Variants in KIF20B observed in about 807,000 individuals in gnomAD.
KIF20B encodes kinesin family member 20B.
KIF20B carries 188 observed loss-of-function variants against 232.5 expected under a neutral mutation model. That is an observed-to-expected ratio of 0.81 (90% CI 0.72 to 0.91). The LOEUF (loss-of-function observed/expected upper bound fraction) is 0.91. Among genes scored for constraint, KIF20B ranks in the 40% least tolerant of loss-of-function variants. The probability of loss-of-function intolerance (pLI) is 0.00; values close to 1 mark genes in which losing one functional copy is unlikely to be tolerated. For synonymous variants in KIF20B, 712 were observed against 683.0 expected (o/e 1.04, Z -0.66); for missense variants, 2,154 against 2,055.9 (o/e 1.05, Z -0.92).
rs976326053 is a variant in KIF20B at position 89,719,598 on chromosome 10, G to C, written c.1614G>C (p.Glu538Asp). The C allele has an allele frequency of 6.2e-7, 1 of 1,613,354 alleles. No homozygotes were observed. Among genetic ancestry groups the C allele is most frequent in the Non-Finnish European group, 8.5e-7 (1 of 1,179,600 alleles). ...TGGAAGACGAGGATTTGGTTGAGGAGCTAGAAAACGCTGAAGAAACTCAAA... is the reference window on the plus strand; with the variant it reads ...TGGAAGACGAGGATTTGGTTGAGGACCTAGAAAACGCTGAAGAAACTCAAA... ...DLMEDEDLVE[E>D]LENAEETQNV... The change falls in exon 13 of 33, where the codon GAG (glutamate) becomes GAC (aspartate). Residue 538 changes from glutamate to aspartate, a missense_variant. By Grantham distance (45) the Glu-to-Asp change is conservative (BLOSUM62 2). Coordinates refer to ENST00000371728, the MANE Select transcript of KIF20B (RefSeq NM_001284259.2).
Position 89,737,686 on chromosome 10 carries a change from G to A in KIF20B, c.2845G>A (p.Val949Met), listed in dbSNP as rs774578114. Residue 949 changes from valine (V) to methionine (M), a missense_variant, in exon 20 of 33, where the codon GTG (valine) becomes ATG (methionine). Coordinates refer to ENST00000371728, the MANE Select transcript of KIF20B (RefSeq NM_001284259.2). ...TGATATTGCAATTGCTGAATTACATGTGCAGAAAAGTAAAAATCAAGAACA... is the reference window on the plus strand; with the variant it reads ...TGATATTGCAATTGCTGAATTACATATGCAGAAAAGTAAAAATCAAGAACA... ...NYDIAIAELH[V>M]QKSKNQEQEE... The A allele has an allele frequency of 2.4e-5, 38 of 1,613,092 alleles. No homozygotes were observed. The highest frequency in any genetic ancestry group is 3.2e-5 in the Non-Finnish European group (38 of 1,179,394).
At chr10:89,750,973 T>C (rs905757310) in intron 23 of KIF20B, among the ~76,000 whole-genome samples, 1 of 152,142 alleles carries the variant, frequency 6.6e-6, no homozygotes, top group South Asian at 2.1e-4. Context: ...ACACTGAAAA[T>C]AAGTATTTTG....
intron 23 of KIF20B, among the ~76,000 whole-genome samples, chr10:89,750,510 T>C (rs1454960698): frequency 3.3e-5 from 5 of 152,166 alleles, no homozygotes; most frequent in Non-Finnish European, 7.4e-5. Flanking sequence ...ATGTGCACTT[T>C]GAGGGAGCCA....
At position 89,713,189 on chromosome 10, in the gene KIF20B, G is replaced by A. The variant is rs189166629; in HGVS notation, c.676-858G>A. 1.4e-4 allele frequency among the ~76,000 whole-genome samples: 22 copies of A among 151,864 alleles called. No homozygotes were observed. In the East Asian group the frequency reaches 2.1e-3, roughly 15 times the overall value. On this transcript the variant is annotated intron_variant, in intron 6 of 32. Coordinates refer to ENST00000371728, the MANE Select transcript of KIF20B (RefSeq NM_001284259.2). ...AGCCTGGCCAACATGGCGAAACCCC[G>A]TCTCTATTAAAAATACAAAAAATTA...
Position 89,709,108 on chromosome 10 carries a change from T to A in KIF20B, c.148-59T>A, listed in dbSNP as rs914600335. ...AAAAAGTAGCCATGTTAAGGAAAAA[T>A]GGTCTCTGAAAAGCCGTATCTTTCA... On this transcript the variant is annotated intron_variant, in intron 2 of 32. Transcript: ENST00000371728. The A allele has an allele frequency of 2.1e-5, 25 of 1,184,762 alleles. No homozygotes were observed. In the Admixed American group the frequency reaches 3.8e-4, roughly 18 times the overall value. The allele number at this position is 1,184,762 out of a possible 1,614,324, so 73.4% of individuals were successfully genotyped here. A position where few individuals can be genotyped will look rare whatever the true frequency, so the allele number is the denominator to read the frequency against.
chr10:89,720,606 ATC>A (rs1843034356), intron 13 of KIF20B, among the ~76,000 whole-genome samples: 1 of 152,244 alleles, frequency 6.6e-6, no homozygotes, highest in East Asian at 1.9e-4. Flanking sequence ...ATGATCCCAT[ATC>A]TTCAAAAACA....
intron 20 of KIF20B, 95 bp downstream of exon 20, chr10:89,738,712 T>C: frequency 7.1e-7 from 1 of 1,406,636 alleles, no homozygotes; most frequent in Non-Finnish European, 9.3e-7. Context: ...CTTAATCTGG[T>C]AAAGCGTAGC....
chr10:89,725,286 A>G (rs1843156542), intron 15 of KIF20B, 128 bp downstream of exon 15: 1 of 842,724 alleles, frequency 1.2e-6, no homozygotes, highest in Non-Finnish European at 1.8e-6. Context: ...TAGCTTTATT[A>G]TAATTAGGCA....
chr10:89,746,019 A>C, intron 23 of KIF20B, 60 bp downstream of exon 23: 3 of 1,199,190 alleles, frequency 2.5e-6, no homozygotes, highest in Non-Finnish European at 3.7e-6. Context: ...CTCGCAGGGC[A>C]TGCGATGGGG....
At chr10:89,704,302 T>C (rs1399408615) in intron 1 of KIF20B, among the ~76,000 whole-genome samples, 2 of 152,160 alleles carry the variant, frequency 1.3e-5, no homozygotes, top group Non-Finnish European at 2.9e-5. Context: ...CCTCCTCCTC[T>C]CTCTGGTATT....
chr10:89,737,249 C>G, intron 19 of KIF20B, 138 bp from the exon 20 acceptor site: 2 of 961,004 alleles, frequency 2.1e-6, no homozygotes, highest in Non-Finnish European at 2.7e-6. Flanking sequence ...CTTTTTTTCT[C>G]AACAGCTTAT....
At position 89,719,638 on chromosome 10, in the gene KIF20B, CT is replaced by C. The variant is rs1843008405; in HGVS notation, c.1656del (p.Asp554MetfsTer4). 6.2e-7 allele frequency: 1 copy of C among 1,612,610 alleles called. No homozygotes were observed. ...AEETQNVETK[L>X]LDEDLDKTLE... ...AGAAACTCAAAATGTGGAAACTAAA[CT>C]TCTTGATGAAGATCTAGATAAAACA... is the stretch of plus-strand genomic sequence containing the variant. On this transcript the variant is annotated frameshift_variant, in exon 13 of 33. Transcript: ENST00000371728. LOFTEE classifies it high-confidence loss of function.
rs768725450 is a variant in KIF20B at position 89,738,947 on chromosome 10, A to G, written c.3777-11A>G. 1.2e-6 allele frequency: 2 copies of G among 1,607,520 alleles called. No homozygotes were observed. The highest frequency in any genetic ancestry group is 8.5e-7 in the Non-Finnish European group (1 of 1,178,280). ...ATGCATTACCATAGAAAAGTGGTTT[A>G]TGTTTTTTAGATTGAAAGAGGAACT... On this transcript the variant is annotated splice_polypyrimidine_tract_variant and intron_variant, in intron 20 of 32. Coordinates refer to ENST00000371728, the MANE Select transcript of KIF20B (RefSeq NM_001284259.2).
chr10:89,735,274 A>G (rs1179071059), intron 19 of KIF20B, among the ~76,000 whole-genome samples: 1 of 152,178 alleles, frequency 6.6e-6, no homozygotes, highest in Non-Finnish European at 1.5e-5. Flanking sequence ...GATAGAAAAG[A>G]AGAACATATG....
chr10:89,757,069 T>TATACACAC (rs138088478), intron 26 of KIF20B, among the ~76,000 whole-genome samples: 6 of 134,366 alleles, frequency 4.5e-5, no homozygotes, highest in African/African-American at 1.7e-4. Context: ...TATATATATA[T>TATACACAC]ACACACATGA....
At chr10:89,762,584 G>A (rs973982875) in intron 28 of KIF20B, 54 bp from the exon 29 acceptor site, 1 of 1,365,006 alleles carries the variant, frequency 7.3e-7, no homozygotes, top group South Asian at 1.3e-5. Flanking sequence ...ATTCTTTGTG[G>A]TTTATAAATG....
chr10:89,732,368 C>T (rs919183081), intron 18 of KIF20B, among the ~76,000 whole-genome samples: 5 of 152,028 alleles, frequency 3.3e-5, no homozygotes, highest in African/African-American at 4.8e-5. Flanking sequence ...AGTAATCCTC[C>T]GGCCTCAGCC....
intron 26 of KIF20B, 134 bp from the exon 27 acceptor site, chr10:89,758,572 A>G: frequency 1.9e-6 from 1 of 523,054 alleles, no homozygotes; most frequent in Non-Finnish European, 3.2e-6. Flanking sequence ...TAAATATTTT[A>G]TCTAGACTAC....
At position 89,733,054 on chromosome 10, in the gene KIF20B, A is replaced by C. The variant is rs768226883; in HGVS notation, c.2543A>C (p.Lys848Thr). 1.2e-6 allele frequency: 2 copies of C among 1,613,478 alleles called. No homozygotes were observed. The highest frequency in any genetic ancestry group is 2.2e-5 in the South Asian group (2 of 91,060). ...CAGCAAGATGAACCACCAGCAAAGA[A>C]AGGTACTACTTCAGCTGCCAGCAGC... ...ELQQDEPPAK[K>T]GSIHVSSAIT... The change falls in exon 19 of 33, where the codon AAA becomes ACA. Residue 848 changes from lysine (K) to threonine (T), a missense_variant and splice_region_variant. Coordinates refer to ENST00000371728, the MANE Select transcript of KIF20B (RefSeq NM_001284259.2).
Sources: gnomAD v4.1 joint callset for allele counts (sites outside exome capture counted in the v4.1 genomes callset) on GRCh38, gnomAD v4.1.1 for gene constraint, MANE v1.5 for transcripts, NCBI Gene and HGNC (gene_info 2026-07-23, HGNC 2026-07-21) for gene names.